Variants in TRPC6 observed in about 807,000 individuals in gnomAD.
The protein encoded by TRPC6 is transient receptor potential cation channel subfamily C member 6.
Under a neutral mutation model 90.7 loss-of-function variants are expected in TRPC6, and 55 were observed. The observed-to-expected ratio is 0.61, with a 90% confidence interval of 0.49 to 0.76. The LOEUF is 0.76. TRPC6 is among the 30% of genes least tolerant of loss of function. TRPC6 has a pLI of 0.00. For missense variants in TRPC6, 989 were observed against 1,122.7 expected, an observed-to-expected ratio of 0.88 and a Z score of 1.70; for synonymous variants, 393 against 393.0, an observed-to-expected ratio of 1.00 and a Z score of 0.00.
intron 2 of TRPC6, among the ~76,000 whole-genome samples, chr11:101,497,698 CTTTATTT>C (rs1304852684): frequency 2.0e-5 from 3 of 151,684 alleles, no homozygotes; most frequent in Non-Finnish European, 2.9e-5. Flanking sequence ...ATTTTTTTTC[CTTTATTT>C]TTTATTTTAA....
chr11:101,471,051 G>A, intron 9 of TRPC6, 132 bp downstream of exon 9: 1 of 824,252 alleles, frequency 1.2e-6, no homozygotes, highest in Non-Finnish European at 2.0e-6. Context: ...GGACTGTGCT[G>A]TGTGAAGTGA....
chr11:101,567,952 G>A (rs1177352303), intron 1 of TRPC6, among the ~76,000 whole-genome samples: 1 of 152,142 alleles, frequency 6.6e-6, no homozygotes, highest in Non-Finnish European at 1.5e-5. Flanking sequence ...AAACCAGAAT[G>A]CCTCTTCTCC....
At chr11:101,546,286 A>C in intron 1 of TRPC6, among the ~76,000 whole-genome samples, 1 of 74,302 alleles carries the variant, frequency 1.3e-5, no homozygotes, top group African/African-American at 5.5e-5. Context: ...GTTAGCCAGG[A>C]TGGTCTCGAT....
At chr11:101,476,690 A>G (rs1050281933) in intron 5 of TRPC6, among the ~76,000 whole-genome samples, 156 bp from the exon 6 acceptor site, 1 of 152,212 alleles carries the variant, frequency 6.6e-6, no homozygotes, top group African/African-American at 2.4e-5. Context: ...ATATCCTCAC[A>G]AATATCCTAG....
intron 6 of TRPC6, among the ~76,000 whole-genome samples, chr11:101,474,117 T>A (rs1438582759): frequency 1.3e-5 from 2 of 152,228 alleles, no homozygotes; most frequent in Non-Finnish European, 2.9e-5. Flanking sequence ...TTCCCCATTT[T>A]TGAAAATGAG....
At chr11:101,567,150 G>A (rs1696645400) in intron 1 of TRPC6, among the ~76,000 whole-genome samples, 1 of 152,070 alleles carries the variant, frequency 6.6e-6, no homozygotes, top group Non-Finnish European at 1.5e-5. Flanking sequence ...ACAGCAGTCT[G>A]AGATCACCTG....
Position 101,471,316 on chromosome 11 carries a change from G to A in TRPC6, c.2276C>T (p.Thr759Ile). Residue 759 changes from threonine (T) to isoleucine (I), a missense_variant, in exon 9 of 13, where the codon ACA becomes ATA. Physicochemically the swap from Thr to Ile is moderately conservative, Grantham distance 89. Transcript: ENST00000344327. The part of the protein sequence containing the change: ...LWFSYFEEGR[T>I]LPVPFNLVPS... ...CACCAGATTGAAGGGTACAGGAAGT[G>A]TTCTGCCCTCCTCAAAGTAGGAAAA... 2 of 1,613,944 alleles carry A rather than the reference G, an allele frequency of 1.2e-6. No homozygotes were observed. Among genetic ancestry groups the A allele is most frequent in the Non-Finnish European group, 1.7e-6 (2 of 1,179,882 alleles).
At chr11:101,554,439 A>G (rs898903050) in intron 1 of TRPC6, among the ~76,000 whole-genome samples, 61 of 152,258 alleles carry the variant, frequency 4.0e-4, no homozygotes, top group African/African-American at 1.4e-3. Flanking sequence ...TTAAGAGAAT[A>G]AACAGTGGCC....
At chr11:101,477,403 A>C (rs905690530) in intron 5 of TRPC6, among the ~76,000 whole-genome samples, 1 of 152,064 alleles carries the variant, frequency 6.6e-6, no homozygotes, top group African/African-American at 2.4e-5. Flanking sequence ...ATACACTGGA[A>C]AAATCTTTAT....
At position 101,452,811 on chromosome 11, in the gene TRPC6, AG is replaced by A. The variant is rs772613891; in HGVS notation, c.*143del. The A allele has an allele frequency of 1.1e-4, 99 of 890,354 alleles. No individual in the cohort carries two copies. Among genetic ancestry groups the A allele is most frequent in the Non-Finnish European group, 1.6e-4 (89 of 573,184 alleles). 55.2% of individuals were successfully genotyped at this position (890,354 alleles called of 1,614,324 possible). A position where few individuals can be genotyped will look rare whatever the true frequency, so the allele number is the denominator to read the frequency against. ...TTAATCACCAAAAAAATTAGATACTAGGGCTCCAGATGATAGGATGGCCCAA... is the reference window on the plus strand; with the variant it reads ...TTAATCACCAAAAAAATTAGATACTAGGCTCCAGATGATAGGATGGCCCAA... On this transcript the variant is annotated 3_prime_UTR_variant, in exon 13 of 13. Coordinates refer to ENST00000344327, the MANE Select transcript of TRPC6 (RefSeq NM_004621.6).
intron 2 of TRPC6, among the ~76,000 whole-genome samples, chr11:101,499,586 G>GATATATATATA (rs1565218400): frequency 4.4e-4 from 20 of 45,584 alleles, no homozygotes; most frequent in South Asian, 1.0e-3. Flanking sequence ...GTATATATAC[G>GATATATATATA]TATATATATA....
rs1387104390 is a variant in TRPC6, at chr11:101,473,501, T to A, written c.2009+8A>T. 6.2e-7 allele frequency: 1 copy of A among 1,612,632 alleles called. No homozygotes were observed. The highest frequency in any genetic ancestry group is 8.5e-7 in the Non-Finnish European group (1 of 1,179,196). ...ATAACTATCATCAAAATATCTGAGA[T>A]CACATACGTTGTGAAGGCTTCATTT... On this transcript the variant is annotated splice_region_variant and intron_variant, in intron 7 of 12. Transcript: ENST00000344327.
At chr11:101,543,582 C>G (rs548806292) in intron 1 of TRPC6, among the ~76,000 whole-genome samples, 2 of 152,166 alleles carry the variant, frequency 1.3e-5, no homozygotes, top group South Asian at 4.1e-4. Flanking sequence ...AATAACCACA[C>G]ATCTGCAACC....
intron 1 of TRPC6, among the ~76,000 whole-genome samples, chr11:101,570,060 CA>C (rs1162623491): frequency 6.6e-6 from 1 of 151,894 alleles, no homozygotes; most frequent in Non-Finnish European, 1.5e-5. Context: ...AAAAACCCTT[CA>C]AAAAAATTCA....
At chr11:101,575,520 A>G (rs539978219) in intron 1 of TRPC6, among the ~76,000 whole-genome samples, 7 of 152,278 alleles carry the variant, frequency 4.6e-5, no homozygotes, top group Admixed American at 1.3e-4. Context: ...ATAAAAATGC[A>G]TATCTCATAG....
chr11:101,576,544 G>T (rs1052169576), intron 1 of TRPC6, among the ~76,000 whole-genome samples: 2 of 152,168 alleles, frequency 1.3e-5, no homozygotes. Context: ...AGATGCCAAA[G>T]TTTAATTGAA....
chr11:101,504,778 A>C lies in TRPC6; in HGVS notation c.191T>G (p.Leu64Arg). The C allele has an allele frequency of 6.2e-7, 1 of 1,611,174 alleles. No homozygotes were observed. Among genetic ancestry groups the C allele is most frequent in the Non-Finnish European group, 8.5e-7 (1 of 1,178,630 alleles). ...GAGAACTGTCTGCCGCCGGTGAGCC[A>C]GTCTGTTGTCAGATCCCCGGCTGCA... Reference protein sequence around the residue: ...YPCFRGSDNRLAHRRQTVLRE... With the variant: ...YPCFRGSDNRRAHRRQTVLRE... The change falls in exon 2 of 13, where the codon CTG (leucine) becomes CGG (arginine). Residue 64 changes from leucine (L) to arginine (R), a missense_variant. Physicochemically the swap from Leu to Arg is moderately radical, Grantham distance 102 (BLOSUM62 -2). This residue lies in a region of TRPC6 where 194 missense variants were observed against 136.5 expected (regional missense o/e 1.42). Transcript: ENST00000344327.
chr11:101,461,088 AATG>A (rs1327599113), intron 10 of TRPC6, among the ~76,000 whole-genome samples: 1 of 152,208 alleles, frequency 6.6e-6, no homozygotes, highest in Non-Finnish European at 1.5e-5. Flanking sequence ...ACATGTTAAA[AATG>A]ATTGGGACCA....
chr11:101,490,059 T>C (rs1053555038), intron 3 of TRPC6, among the ~76,000 whole-genome samples: 1 of 152,146 alleles, frequency 6.6e-6, no homozygotes, highest in African/African-American at 2.4e-5. Flanking sequence ...AAATAAAAAT[T>C]TGACATATTA....
Sources: allele counts gnomAD v4.1 joint callset (sites outside exome capture counted in the v4.1 genomes callset), GRCh38; gene constraint gnomAD v4.1.1; regional missense constraint gnomAD v4.1.1; transcripts MANE v1.5; gene names NCBI Gene and HGNC (gene_info 2026-07-23, HGNC 2026-07-21).